The following BFAR variants were observed in gnomAD, a reference collection of about 807,000 sequenced individuals.
BFAR encodes RING finger protein 47.
Under a neutral mutation model 54.4 loss-of-function variants are expected in BFAR, and 52 were observed. The ratio of observed to expected loss-of-function variants is 0.96; its 90% CI spans 0.77 to 1.21. BFAR has a LOEUF of 1.21. Ranked by LOEUF, BFAR falls within the 50% of genes most tolerant of loss-of-function variation. The pLI is 0.00. For synonymous variants in BFAR, 215 were observed against 204.3 expected, an observed-to-expected ratio of 1.05 and a Z score of -0.45; for missense variants, 571 against 534.0, an observed-to-expected ratio of 1.07 and a Z score of -0.68.
At position 14,658,306 on chromosome 16, in the gene BFAR, C is replaced by T. The variant is rs1038120019; in HGVS notation, c.783+3096C>T. On this transcript the variant is annotated intron_variant, in intron 5 of 7. Coordinates refer to ENST00000261658, the MANE Select transcript of BFAR (RefSeq NM_016561.3). Reference sequence around the variant, plus strand: ...GCACAGGAAGGGTGGTCACCCCACCCTAATCTTATTATGCAAAGGAACTTT... The same window carrying T: ...GCACAGGAAGGGTGGTCACCCCACCTTAATCTTATTATGCAAAGGAACTTT... Among the ~76,000 whole-genome samples, 6 of 152,112 alleles carry T rather than the reference C, an allele frequency of 3.9e-5. No individual in the cohort carries two copies. In the South Asian group the frequency reaches 1.2e-3, roughly 32 times the overall value.
At chr16:14,661,848 G>T (rs1960296796) in intron 5 of BFAR, 44 bp from the exon 6 acceptor site, 2 of 1,600,574 alleles carry the variant, frequency 1.2e-6, no homozygotes, top group South Asian at 2.2e-5. Flanking sequence ...TGGGTAGCTG[G>T]CCGCCATGGT....
At chr16:14,644,038 C>CT (rs1959707815) in intron 1 of BFAR, among the ~76,000 whole-genome samples, 1 of 151,646 alleles carries the variant, frequency 6.6e-6, no homozygotes, top group Non-Finnish European at 1.5e-5. Context: ...TGGGTTGCAC[C>CT]TGTAGTCCCA....
rs549398437 is a variant in BFAR, at chr16:14,633,989, G to C, written c.-74+971G>C. On this transcript the variant is annotated intron_variant, in intron 1 of 7. Coordinates refer to ENST00000261658, the MANE Select transcript of BFAR (RefSeq NM_016561.3). Reference sequence around the variant, plus strand: ...TTTATTAAAAAAGCCGGCGGGAGGGGGCGACAGATGAGAGTCAGGTTGTGT... The same window carrying C: ...TTTATTAAAAAAGCCGGCGGGAGGGCGCGACAGATGAGAGTCAGGTTGTGT... Among the ~76,000 whole-genome samples, 9 of 152,286 alleles carry C rather than the reference G, an allele frequency of 5.9e-5. No individual in the cohort carries two copies. In the East Asian group the frequency reaches 1.7e-3, roughly 29 times the overall value.
Position 14,664,852 on chromosome 16 carries a change from G to A in BFAR, c.958-17G>A. ...TCAGTCCTCATGACTTTTTGCGTCTGTGTGTTATTTTTTAAGGATCTTAAG... is the reference window on the plus strand; with the variant it reads ...TCAGTCCTCATGACTTTTTGCGTCTATGTGTTATTTTTTAAGGATCTTAAG... On this transcript the variant is annotated splice_polypyrimidine_tract_variant and intron_variant, in intron 6 of 7. Transcript: ENST00000261658. The A allele has an allele frequency of 6.2e-7, 1 of 1,606,248 alleles. No homozygotes were observed.
At chr16:14,654,006 CTTTTTT>C (rs776274046) in intron 4 of BFAR, among the ~76,000 whole-genome samples, 1 of 121,484 alleles carries the variant, frequency 8.2e-6, no homozygotes, top group Admixed American at 8.3e-5. Flanking sequence ...CATCTAAGAA[CTTTTTT>C]TTTTTTTTTT....
intron 1 of BFAR, among the ~76,000 whole-genome samples, chr16:14,635,174 A>G (rs1277575204): frequency 1.3e-5 from 2 of 152,148 alleles, no homozygotes; most frequent in African/African-American, 4.8e-5. Context: ...GTCTCTACTA[A>G]AAATACAAAA....
At chr16:14,654,758 G>A (rs1054675302) in intron 4 of BFAR, among the ~76,000 whole-genome samples, 1 of 152,104 alleles carries the variant, frequency 6.6e-6, no homozygotes, top group African/African-American at 2.4e-5. Context: ...GCCTCCCAAA[G>A]AGCTGGGATT....
chr16:14,641,369 C>T (rs927342700), intron 1 of BFAR, among the ~76,000 whole-genome samples: 1 of 152,142 alleles, frequency 6.6e-6, no homozygotes, highest in Non-Finnish European at 1.5e-5. Flanking sequence ...CAGAGAACAA[C>T]TGTAAACATC....
chr16:14,656,845 G>A (rs1227013471), intron 5 of BFAR, among the ~76,000 whole-genome samples: 1 of 152,144 alleles, frequency 6.6e-6, no homozygotes, highest in Non-Finnish European at 1.5e-5. Context: ...ACAAAGTCCT[G>A]TAATCCCAGC....
intron 3 of BFAR, 55 bp from the exon 4 acceptor site, chr16:14,649,749 A>G: frequency 2.0e-6 from 3 of 1,473,498 alleles, no homozygotes; most frequent in South Asian, 2.6e-5. Flanking sequence ...CCGCATATTT[A>G]GAAACTGGCA....
intron 5 of BFAR, among the ~76,000 whole-genome samples, chr16:14,656,547 C>T (rs1003779915): frequency 1.3e-5 from 2 of 151,848 alleles, no homozygotes; most frequent in African/African-American, 2.4e-5. Context: ...CTCCAAGACA[C>T]ACCACCTGTT....
In BFAR at chr16:14,656,906, C is replaced by G. The variant is rs554090262; in HGVS notation, c.783+1696C>G. ...TCACTTGAGGCCAGGAGTTCCAGAC[C>G]AGCCTGACCAACATGGTGAAACCCC... On this transcript the variant is annotated intron_variant, in intron 5 of 7. Coordinates refer to ENST00000261658, the MANE Select transcript of BFAR (RefSeq NM_016561.3). 3.3e-5 allele frequency among the ~76,000 whole-genome samples: 5 copies of G among 152,214 alleles called. No homozygotes were observed. In the South Asian group the frequency reaches 8.3e-4, roughly 25 times the overall value.
In BFAR at chr16:14,647,221, A is replaced by G. The variant is rs374735835; in HGVS notation, c.264-1167A>G. On this transcript the variant is annotated intron_variant, in intron 2 of 7. Transcript: ENST00000261658. ...TGCCTCAGCCTCCCAAGTAGCTGGG[A>G]TTACAGGCGCCCACCACCACACCCG... Among the ~76,000 whole-genome samples, 27 of 152,076 alleles carry G rather than the reference A, an allele frequency of 1.8e-4. No homozygotes were observed. In the South Asian group the frequency reaches 5.4e-3, roughly 30 times the overall value.
chr16:14,636,966 G>A (rs930309340), intron 1 of BFAR, among the ~76,000 whole-genome samples: 23 of 152,192 alleles, frequency 1.5e-4, no homozygotes, highest in Non-Finnish European at 1.5e-4. Context: ...CAGAGAGCAC[G>A]GGGTTGGGGG....
chr16:14,633,876 C>T (rs1360659222), intron 1 of BFAR, among the ~76,000 whole-genome samples: 1 of 152,186 alleles, frequency 6.6e-6, no homozygotes, highest in Non-Finnish European at 1.5e-5. Context: ...TGTTCTCGAA[C>T]TCCTGGCCTC....
intron 1 of BFAR, among the ~76,000 whole-genome samples, chr16:14,634,709 G>C (rs1330299768): frequency 6.6e-6 from 1 of 152,154 alleles, no homozygotes; most frequent in African/African-American, 2.4e-5. Context: ...CTTCGAAGTT[G>C]ACATGATTAT....
intron 1 of BFAR, among the ~76,000 whole-genome samples, chr16:14,639,003 A>AAACGCAGT (rs1401896825): frequency 6.6e-6 from 1 of 152,200 alleles, no homozygotes; most frequent in Non-Finnish European, 1.5e-5. Flanking sequence ...TCTCTTTAAT[A>AAACGCAGT]AACGCAGTAA....
Position 14,655,186 on chromosome 16 carries a change from C to A in BFAR, c.759C>A (p.Pro253=). 1.3e-6 allele frequency: 2 copies of A among 1,542,320 alleles called. No homozygotes were observed. The highest frequency in any genetic ancestry group is 8.7e-7 in the Non-Finnish European group (1 of 1,147,966). The change falls in exon 5 of 8, where the codon CCC becomes CCA. Residue 253 remains proline (P), a synonymous_variant. Coordinates refer to ENST00000261658, the MANE Select transcript of BFAR (RefSeq NM_016561.3). ...LERVKALGVK[P]PQNLWEYKAV... ...GTGTCAAAGCATTAGGCGTGAAGCC[C>A]CCCCAGAATCTCTGGGAATATAAGG... is the stretch of plus-strand genomic sequence containing the variant.
intron 5 of BFAR, among the ~76,000 whole-genome samples, chr16:14,659,629 C>T (rs922258330): frequency 6.6e-6 from 1 of 151,864 alleles, no homozygotes; most frequent in African/African-American, 2.4e-5. Context: ...CCACTCACTG[C>T]AAGCTCCGCC....
Sources: gnomAD v4.1 joint callset for allele counts (sites outside exome capture counted in the v4.1 genomes callset) on GRCh38, gnomAD v4.1.1 for gene constraint, MANE v1.5 for transcripts, NCBI Gene and HGNC (gene_info 2026-07-23, HGNC 2026-07-21) for gene names.